Variants in CHCHD3 observed in about 807,000 individuals in gnomAD.
The protein encoded by CHCHD3 is MICOS complex subunit MIC19.
A neutral mutation model predicts 38.2 loss-of-function variants in CHCHD3; 20 were observed. That is an observed-to-expected ratio of 0.52 (90% CI 0.37 to 0.76). CHCHD3 has a LOEUF of 0.76. Ranked by LOEUF, CHCHD3 falls within the 30% of genes least tolerant of loss-of-function variation. The pLI is 0.00. For synonymous variants in CHCHD3, 82 were observed against 100.0 expected, an observed-to-expected ratio of 0.82 and a Z score of 1.07; for missense variants, 245 against 279.2, an observed-to-expected ratio of 0.88 and a Z score of 0.87.
chr7:132,971,233 A>T (rs146155443), intron 4 of CHCHD3, among the ~76,000 whole-genome samples: 453 of 152,262 alleles, frequency 3.0e-3, no homozygotes, highest in African/African-American at 9.7e-3. Flanking sequence ...TGCTTTCCTG[A>T]TCCTAAGAAG....
intron 4 of CHCHD3, among the ~76,000 whole-genome samples, chr7:132,971,492 G>T (rs910006672): frequency 1.3e-5 from 2 of 152,130 alleles, no homozygotes; most frequent in African/African-American, 4.8e-5. Flanking sequence ...CAACAACAGG[G>T]CCATCATGAC....
intron 3 of CHCHD3, among the ~76,000 whole-genome samples, chr7:133,003,077 C>T (rs1434377385): frequency 6.6e-6 from 1 of 151,992 alleles, no homozygotes; most frequent in Admixed American, 6.6e-5. Flanking sequence ...GAGGTCAATT[C>T]GGATAGTTTA....
chr7:132,844,407 C>T (rs1808019714), intron 5 of CHCHD3, among the ~76,000 whole-genome samples: 2 of 152,236 alleles, frequency 1.3e-5, no homozygotes, highest in Admixed American at 6.5e-5. Context: ...CATATCACTT[C>T]TGTGCCTATA....
At chr7:133,069,476 A>G (rs1417970735) in intron 2 of CHCHD3, among the ~76,000 whole-genome samples, 1 of 152,208 alleles carries the variant, frequency 6.6e-6, no homozygotes, top group East Asian at 1.9e-4. Flanking sequence ...GCCATTTCAC[A>G]ATAAATAGCG....
At chr7:132,980,966 GC>G (rs1379016633) in intron 3 of CHCHD3, among the ~76,000 whole-genome samples, 1 of 152,038 alleles carries the variant, frequency 6.6e-6, no homozygotes, top group Non-Finnish European at 1.5e-5. Flanking sequence ...CATAAGGGAG[GC>G]ATTACTAGCT....
chr7:133,016,785 C>A (rs1813043837), intron 3 of CHCHD3, among the ~76,000 whole-genome samples: 1 of 152,188 alleles, frequency 6.6e-6, no homozygotes, highest in Admixed American at 6.5e-5. Context: ...CACTCTTCTC[C>A]AGTGTTCCTA....
intron 2 of CHCHD3, among the ~76,000 whole-genome samples, chr7:133,066,945 A>C (rs535848104): frequency 1.2e-4 from 18 of 152,364 alleles, no homozygotes; most frequent in Non-Finnish European, 1.9e-4. Flanking sequence ...TTCTAAAGCA[A>C]GATGTCATTC....
At chr7:132,859,826 G>C (rs1808436940) in intron 5 of CHCHD3, among the ~76,000 whole-genome samples, 1 of 152,118 alleles carries the variant, frequency 6.6e-6, no homozygotes, top group African/African-American at 2.4e-5. Flanking sequence ...TCTTAGCGAA[G>C]CTCTTCCAGT....
chr7:132,849,324 C>T (rs1808158753), intron 5 of CHCHD3: 1 of 152,218 alleles, frequency 6.6e-6, no homozygotes, highest in Non-Finnish European at 1.5e-5. Context: ...ATGTATCTAA[C>T]ATTCAGCATT....
intron 4 of CHCHD3, among the ~76,000 whole-genome samples, chr7:132,918,583 G>A (rs187930526): frequency 6.6e-6 from 1 of 152,322 alleles, no homozygotes; most frequent in East Asian, 1.9e-4. Flanking sequence ...GTTCTGCTGA[G>A]TTCTCTGCAG....
At chr7:132,990,350 C>T (rs888154962) in intron 3 of CHCHD3, among the ~76,000 whole-genome samples, 1 of 152,170 alleles carries the variant, frequency 6.6e-6, no homozygotes, top group African/African-American at 2.4e-5. Context: ...TGGAGCTAGA[C>T]AATCATGAAG....
intron 5 of CHCHD3, among the ~76,000 whole-genome samples, chr7:132,878,797 G>A (rs1330235574): frequency 2.0e-5 from 3 of 152,224 alleles, no homozygotes; most frequent in Non-Finnish European, 2.9e-5. Context: ...TGGGAAGGCA[G>A]TCATGAACAA....
At chr7:133,019,601 A>G (rs1001589227) in intron 3 of CHCHD3, among the ~76,000 whole-genome samples, 1 of 152,246 alleles carries the variant, frequency 6.6e-6, no homozygotes, top group East Asian at 1.9e-4. Flanking sequence ...CAAATAACTA[A>G]AAGTGCGGGA....
At chr7:132,856,848 T>C (rs916620742) in intron 5 of CHCHD3, among the ~76,000 whole-genome samples, 2 of 152,242 alleles carry the variant, frequency 1.3e-5, no homozygotes, top group Non-Finnish European at 2.9e-5. Flanking sequence ...ATTCATTGCA[T>C]TGGCAAACAG....
In CHCHD3 at chr7:132,884,795, T is replaced by G. The variant is rs1030036905; in HGVS notation, c.453+867A>C. Among the ~76,000 whole-genome samples the G allele has an allele frequency of 1.1e-4, 17 of 152,174 alleles. 1 individual carries two copies. ...TCATTCTTAAACTCACTGCCTTCTT[T>G]TGTCCATCTCTGTCCAATTCTAGAC... On this transcript the variant is annotated intron_variant, in intron 5 of 7. Transcript: ENST00000262570.
chr7:132,973,555 A>G lies in CHCHD3; in HGVS notation c.369+1614T>C, dbSNP rs892962758. ...TTATTCCCTTTGTTCCACTCAACAC[A>G]TGTACTGTTCTTAGGGCAGCTGCCA... On this transcript the variant is annotated intron_variant, in intron 4 of 7. Transcript: ENST00000262570. 4 of 989,802 alleles carry G rather than the reference A, an allele frequency of 4.0e-6. No individual in the cohort carries two copies. The African/African-American group carries it at 7.0e-5, about 17-fold the overall frequency. The allele number at this position is 989,802 out of a possible 1,614,324, so 61.3% of individuals were successfully genotyped here.
intron 4 of CHCHD3, among the ~76,000 whole-genome samples, chr7:132,897,328 C>T (rs1000614289): frequency 1.3e-5 from 2 of 152,216 alleles, no homozygotes; most frequent in African/African-American, 4.8e-5. Context: ...ACAATTACCG[C>T]ACAACTTCTG....
chr7:132,925,759 C>T (rs1453590455), intron 4 of CHCHD3, among the ~76,000 whole-genome samples: 1 of 152,190 alleles, frequency 6.6e-6, no homozygotes, highest in Non-Finnish European at 1.5e-5. Flanking sequence ...TAAGAGCTTA[C>T]TGACCACTAG....
intron 2 of CHCHD3, among the ~76,000 whole-genome samples, chr7:133,061,467 C>CAAA (rs374637066): frequency 6.1e-5 from 7 of 114,634 alleles, no homozygotes; most frequent in African/African-American, 2.0e-4. Flanking sequence ...TGTGGACAAG[C>CAAA]AAAAAAAAAA....
Sources: allele counts gnomAD v4.1 joint callset (sites outside exome capture counted in the v4.1 genomes callset), GRCh38; gene constraint gnomAD v4.1.1; transcripts MANE v1.5; gene names NCBI Gene and HGNC (gene_info 2026-07-23, HGNC 2026-07-21).